Variants in ATRNL1 observed in about 807,000 individuals in gnomAD.
The protein encoded by ATRNL1 is attractin like 1.
Under a neutral mutation model 182.7 loss-of-function variants are expected in ATRNL1, and 95 were observed. The observed-to-expected ratio is 0.52, with a 90% confidence interval of 0.44 to 0.62. The LOEUF is 0.62. ATRNL1 is among the 20% of genes least tolerant of loss of function. ATRNL1 has a pLI of 0.00. For missense variants in ATRNL1, 1,471 were observed against 1,679.5 expected, an observed-to-expected ratio of 0.88 and a Z score of 2.17; for synonymous variants, 576 against 568.3, an observed-to-expected ratio of 1.01 and a Z score of -0.19.
chr10:115,205,647 T>A (rs1233312264), intron 8 of ATRNL1, among the ~76,000 whole-genome samples: 2 of 152,012 alleles, frequency 1.3e-5, no homozygotes, highest in Admixed American at 6.6e-5. Context: ...AATTTTTAAG[T>A]GATTGCTCCA....
intron 3 of ATRNL1, among the ~76,000 whole-genome samples, chr10:115,127,279 G>C (rs1845013292): frequency 1.3e-5 from 2 of 152,068 alleles, no homozygotes; most frequent in Non-Finnish European, 1.5e-5. Flanking sequence ...TTAAGTGGAA[G>C]ACTACCCTGT....
intron 27 of ATRNL1, among the ~76,000 whole-genome samples, chr10:115,743,238 TAA>T (rs67671102): frequency 8.6e-6 from 1 of 115,988 alleles, no homozygotes; most frequent in Non-Finnish European, 1.7e-5. Flanking sequence ...TCTCTTATAG[TAA>T]AAAAAAAAAA....
At chr10:115,742,461 AGGTC>A (rs1948166986) in intron 27 of ATRNL1, among the ~76,000 whole-genome samples, 1 of 152,142 alleles carries the variant, frequency 6.6e-6, no homozygotes, top group African/African-American at 2.4e-5. Context: ...TTGAGAAGTA[AGGTC>A]ACCTGCAGAG....
At chr10:115,291,715 G>A (rs781938703) in intron 15 of ATRNL1, among the ~76,000 whole-genome samples, 1 of 151,290 alleles carries the variant, frequency 6.6e-6, no homozygotes, top group Non-Finnish European at 1.5e-5. Flanking sequence ...ATCCTTCTTG[G>A]TCATGGTGTG....
intron 27 of ATRNL1, among the ~76,000 whole-genome samples, chr10:115,833,388 A>G (rs1198390307): frequency 1.3e-5 from 2 of 152,182 alleles, no homozygotes; most frequent in Non-Finnish European, 2.9e-5. Context: ...TGCTCAATGT[A>G]GAACCAGCCT....
At chr10:115,154,132 A>G (rs1193767213) in intron 5 of ATRNL1, among the ~76,000 whole-genome samples, 3 of 151,142 alleles carry the variant, frequency 2.0e-5, no homozygotes, top group African/African-American at 7.3e-5. Flanking sequence ...ACTTCCAACT[A>G]TGCGGTCAAT....
chr10:115,296,408 A>G (rs1592398358), intron 15 of ATRNL1, among the ~76,000 whole-genome samples: 1 of 152,346 alleles, frequency 6.6e-6, no homozygotes, highest in African/African-American at 2.4e-5. Flanking sequence ...CTAGTCAGAC[A>G]TCTTGCTGAC....
intron 28 of ATRNL1, among the ~76,000 whole-genome samples, chr10:115,880,568 G>T (rs549219091): frequency 1.2e-4 from 19 of 152,252 alleles, no homozygotes; most frequent in African/African-American, 4.3e-4. Context: ...AGGTTGCAGT[G>T]AGCCAAGATC....
At chr10:115,794,686 T>C (rs979875391) in intron 27 of ATRNL1, among the ~76,000 whole-genome samples, 6 of 152,180 alleles carry the variant, frequency 3.9e-5, no homozygotes, top group African/African-American at 1.4e-4. Flanking sequence ...ATTCTTTTCA[T>C]TGCATCCTAT....
chr10:115,537,959 G>A lies in ATRNL1; in HGVS notation c.3717-11499G>A, dbSNP rs183644382. Among the ~76,000 whole-genome samples the A allele has an allele frequency of 1.5e-3, 227 of 152,182 alleles. 1 individual carries two copies. The highest frequency in any genetic ancestry group is 5.1e-3 in the African/African-American group (210 of 41,512). On this transcript the variant is annotated intron_variant, in intron 25 of 28. Coordinates refer to ENST00000355044, the MANE Select transcript of ATRNL1 (RefSeq NM_207303.4). The stretch of plus-strand genomic sequence containing the variant: ...CTTGCAGTTTTGCCTTTTCCAGAAT[G>A]TCATTCAAATGGCTTCTTTCCCTTA...
intron 26 of ATRNL1, among the ~76,000 whole-genome samples, chr10:115,613,655 TG>T (rs1302604953): frequency 2.6e-5 from 4 of 152,170 alleles, no homozygotes; most frequent in Non-Finnish European, 4.4e-5. Flanking sequence ...CATCAGGTAC[TG>T]GGTATTTTGT....
At position 115,394,639 on chromosome 10, in the gene ATRNL1, A is replaced by T; in HGVS notation, c.3176-20A>T. ...TTTGTGATGTAGAATATTCAATATC[A>T]TTTTGGTTTTGACTTACAGCTTGTA... is the stretch of plus-strand genomic sequence containing the variant. On this transcript the variant is annotated intron_variant, in intron 19 of 28. Coordinates refer to ENST00000355044, the MANE Select transcript of ATRNL1 (RefSeq NM_207303.4). 2 of 1,552,996 alleles carry T rather than the reference A, an allele frequency of 1.3e-6. No individual in the cohort carries two copies. Among genetic ancestry groups the T allele is most frequent in the South Asian group, 1.1e-5 (1 of 89,792 alleles).
intron 9 of ATRNL1, among the ~76,000 whole-genome samples, chr10:115,223,913 G>GTGTGTGTGTA (rs71476115): frequency 3.6e-5 from 2 of 55,922 alleles, no homozygotes; most frequent in Admixed American, 2.2e-4. Flanking sequence ...GTGTGTGTGT[G>GTGTGTGTGTA]TATATATATA....
In ATRNL1 at chr10:115,215,688, C is replaced by G. The variant is rs781866669; in HGVS notation, c.1349-9C>G. 6.4e-7 allele frequency: 1 copy of G among 1,573,080 alleles called. No homozygotes were observed. Among genetic ancestry groups the G allele is most frequent in the East Asian group, 2.3e-5 (1 of 42,820 alleles). On this transcript the variant is annotated splice_polypyrimidine_tract_variant and intron_variant, in intron 8 of 28. Coordinates refer to ENST00000355044, the MANE Select transcript of ATRNL1 (RefSeq NM_207303.4). ...TTGAAATTTATAATGTATTTTATTT[C>G]TGTTACAGCATCAAACACTTGGCTT...
At chr10:115,556,780 A>G (rs1853339069) in intron 26 of ATRNL1, among the ~76,000 whole-genome samples, 1 of 151,304 alleles carries the variant, frequency 6.6e-6, no homozygotes, top group South Asian at 2.1e-4. Context: ...CAACTCCTGT[A>G]TATCTTGGAC....
intron 28 of ATRNL1, among the ~76,000 whole-genome samples, chr10:115,879,839 C>A (rs1287190824): frequency 3.3e-5 from 5 of 152,030 alleles, no homozygotes; most frequent in African/African-American, 9.7e-5. Context: ...ATCAGGAAAT[C>A]AGGGGAGCCT....
At chr10:115,490,584 G>A (rs1369618523) in intron 24 of ATRNL1, among the ~76,000 whole-genome samples, 3 of 152,054 alleles carry the variant, frequency 2.0e-5, no homozygotes, top group Admixed American at 2.0e-4. Flanking sequence ...GGTCATTTAT[G>A]TTTTTCTCTA....
intron 21 of ATRNL1, among the ~76,000 whole-genome samples, chr10:115,448,958 C>T (rs1847151090): frequency 6.6e-6 from 1 of 152,060 alleles, no homozygotes; most frequent in East Asian, 1.9e-4. Flanking sequence ...TGGTACTATT[C>T]CTACGGAAAC....
chr10:115,794,092 A>G (rs1263389791), intron 27 of ATRNL1, among the ~76,000 whole-genome samples: 3 of 152,168 alleles, frequency 2.0e-5, no homozygotes, highest in East Asian at 1.9e-4. Context: ...TTATGAGACA[A>G]TCCTAAAGAA....
Sources: gnomAD v4.1 joint callset for allele counts (sites outside exome capture counted in the v4.1 genomes callset) on GRCh38, gnomAD v4.1.1 for gene constraint, MANE v1.5 for transcripts, NCBI Gene and HGNC (gene_info 2026-07-23, HGNC 2026-07-21) for gene names.